The following TENM4 variants were observed in gnomAD, a reference collection of about 807,000 sequenced individuals.
The protein encoded by TENM4 is teneurin-4.
A neutral mutation model predicts 243.3 loss-of-function variants in TENM4; 82 were observed. The observed-to-expected ratio is 0.34, with a 90% CI of 0.28 to 0.40. The LOEUF (loss-of-function observed/expected upper bound fraction) is 0.40, where lower values mean the gene tolerates loss of function less well. TENM4 is among the 10% of genes least tolerant of loss of function. The pLI is 1.00. For synonymous variants in TENM4, 1,412 were observed against 1,456.3 expected (o/e 0.97, Z 0.69); for missense variants, 3,138 against 3,673.3 (o/e 0.85, Z 3.77).
intron 12 of TENM4, among the ~76,000 whole-genome samples, chr11:78,836,479 CA>C (rs1434864464): frequency 6.6e-6 from 1 of 151,888 alleles, no homozygotes; most frequent in Non-Finnish European, 1.5e-5. Context: ...TTGTGTGGAT[CA>C]AAAAGGAAAA....
rs540990450 is a variant in TENM4 at position 79,090,704 on chromosome 11, G to T, written c.-65-20695C>A. On this transcript the variant is annotated intron_variant, in intron 4 of 33. Transcript: ENST00000278550. ...ACTTTTGGCACTTAAGAGGTAAGAG[G>T]TAACATGTTTGGGGTTTTGGGAACT... Among the ~76,000 whole-genome samples the T allele has an allele frequency of 4.6e-5, 7 of 152,304 alleles. No homozygotes were observed. In the South Asian group the frequency reaches 1.5e-3, roughly 32 times the overall value.
chr11:78,903,742 C>T (rs1019480771), intron 6 of TENM4: 5 of 764,202 alleles, frequency 6.5e-6, no homozygotes, highest in African/African-American at 5.2e-5. Context: ...AAATTCCCGT[C>T]CCCACTGAGC....
intron 25 of TENM4, among the ~76,000 whole-genome samples, chr11:78,716,181 T>C (rs1859517083): frequency 6.6e-6 from 1 of 152,108 alleles, no homozygotes; most frequent in African/African-American, 2.4e-5. Flanking sequence ...CCAAAGTCTG[T>C]GTTCTTTCTA....
chr11:79,172,813 G>A (rs1863076123), intron 3 of TENM4, among the ~76,000 whole-genome samples: 1 of 151,790 alleles, frequency 6.6e-6, no homozygotes, highest in Admixed American at 6.6e-5. Context: ...TAAATTTTTT[G>A]TATTTTTAGT....
intron 4 of TENM4, among the ~76,000 whole-genome samples, chr11:79,082,828 G>T (rs1206990433): frequency 6.6e-6 from 1 of 152,156 alleles, no homozygotes; most frequent in Non-Finnish European, 1.5e-5. Flanking sequence ...TGGAGGAAAA[G>T]GCCCATAATG....
intron 6 of TENM4, among the ~76,000 whole-genome samples, chr11:79,019,643 T>C (rs1858873802): frequency 6.6e-6 from 1 of 152,234 alleles, no homozygotes; most frequent in African/African-American, 2.4e-5. Flanking sequence ...TCACCCACTA[T>C]GCACTGTGTT....
intron 19 of TENM4, among the ~76,000 whole-genome samples, chr11:78,739,467 C>T (rs1239168960): frequency 6.6e-6 from 1 of 152,140 alleles, no homozygotes; most frequent in East Asian, 1.9e-4. Context: ...CATACACACT[C>T]CTCCCTTCCA....
chr11:78,879,185 C>G (rs182366974), intron 9 of TENM4, among the ~76,000 whole-genome samples: 2 of 150,392 alleles, frequency 1.3e-5, no homozygotes, highest in African/African-American at 4.9e-5. Flanking sequence ...AGCGCCTCTG[C>G]CCAGCCGCCA....
intron 6 of TENM4, among the ~76,000 whole-genome samples, chr11:79,028,910 G>C (rs1859155624): frequency 6.6e-6 from 1 of 152,140 alleles, no homozygotes; most frequent in South Asian, 2.1e-4. Flanking sequence ...TCAGGACTCT[G>C]AGTTTAACAA....
chr11:78,944,699 C>T (rs892214572), intron 6 of TENM4, among the ~76,000 whole-genome samples: 3 of 152,216 alleles, frequency 2.0e-5, no homozygotes, highest in African/African-American at 7.2e-5. Flanking sequence ...AGATTCGGTA[C>T]TAATTGTAGC....
At position 78,903,335 on chromosome 11, in the gene TENM4, C is replaced by A; in HGVS notation, c.682G>T (p.Gly228Cys). The A allele has an allele frequency of 6.8e-7, 1 of 1,479,458 alleles. No homozygotes were observed. Among genetic ancestry groups the A allele is most frequent in the East Asian group, 2.6e-5 (1 of 37,848 alleles). 91.6% of individuals were successfully genotyped at this position (1,479,458 alleles called of 1,614,324 possible). Residue 228 changes from glycine to cysteine, a missense_variant, in exon 7 of 34, where the codon GGC (glycine) becomes TGC (cysteine). Gly to Cys is a radical substitution (Grantham distance 159, BLOSUM62 -3). Around this residue, in one of 2 missense-constraint regions of TENM4, gnomAD observed 671 missense variants for 614.1 expected, o/e 1.09. Transcript: ENST00000278550. ...TGGGCGTGGGCAGGCTCCTGGGCGC[C>A]GCCGGCAGGGGGCTCTCCGGAGAGC... ...HSLSGEPPAG[G>C]AQEPAHAQEN...
chr11:79,128,088 C>T (rs572696319), intron 4 of TENM4, among the ~76,000 whole-genome samples: 1 of 152,162 alleles, frequency 6.6e-6, no homozygotes, highest in Middle Eastern at 3.2e-3. Context: ...CAAGCTGGGC[C>T]AGATGACCCA....
chr11:78,931,838 T>C (rs983716278), intron 6 of TENM4, among the ~76,000 whole-genome samples: 52 of 152,170 alleles, frequency 3.4e-4, no homozygotes, highest in Non-Finnish European at 1.5e-4. Context: ...CATTTAAAAA[T>C]GGCAATAAAC....
chr11:78,675,067 G>T (rs1031995822), intron 30 of TENM4, among the ~76,000 whole-genome samples: 1 of 151,936 alleles, frequency 6.6e-6, no homozygotes, highest in South Asian at 2.1e-4. Context: ...AAGTTTCACC[G>T]TGTTGGCCAG....
intron 4 of TENM4, chr11:79,096,191 C>A (rs72933155): frequency 0.14 from 21,626 of 152,168 alleles, 2,064 homozygotes; most frequent in Non-Finnish European, 0.21. Context: ...GCCCCAGGGA[C>A]CTGCTGTGCT....
chr11:78,814,206 G>T, intron 13 of TENM4, 88 bp downstream of exon 13: 1 of 1,297,214 alleles, frequency 7.7e-7, no homozygotes, highest in Non-Finnish European at 1.1e-6. Context: ...AAGGTGGGCT[G>T]GATTCTGCAC....
intron 12 of TENM4, among the ~76,000 whole-genome samples, chr11:78,830,655 T>C (rs1857960005): frequency 6.6e-6 from 1 of 152,176 alleles, no homozygotes; most frequent in African/African-American, 2.4e-5. Flanking sequence ...GCTACGACTC[T>C]CCGAAGGCTT....
At chr11:79,354,814 A>G (rs1590904285) in intron 1 of TENM4, among the ~76,000 whole-genome samples, 1 of 152,348 alleles carries the variant, frequency 6.6e-6, no homozygotes. Context: ...AACAAACAAA[A>G]AAAGAATTTG....
chr11:79,424,306 T>C (rs1225625420), intron 1 of TENM4, among the ~76,000 whole-genome samples: 2 of 152,124 alleles, frequency 1.3e-5, no homozygotes, highest in Non-Finnish European at 2.9e-5. Flanking sequence ...ATCTGGTCAT[T>C]TGTGGCAAAG....
Sources: allele counts gnomAD v4.1 joint callset (sites outside exome capture counted in the v4.1 genomes callset), GRCh38; gene constraint gnomAD v4.1.1; regional missense constraint gnomAD v4.1.1; transcripts MANE v1.5; gene names NCBI Gene and HGNC (gene_info 2026-07-23, HGNC 2026-07-21).